MAML2: variants seen among roughly 807,000 people sequenced by gnomAD.
MAML2 encodes mastermind like transcriptional coactivator 2.
Under a neutral mutation model 96.1 loss-of-function variants are expected in MAML2, and 22 were observed. The observed-to-expected ratio is 0.23, with a 90% CI of 0.16 to 0.33. The LOEUF (loss-of-function observed/expected upper bound fraction) is 0.33, where lower values mean the gene tolerates loss of function less well. Ranked by LOEUF, MAML2 falls within the 10% of genes least tolerant of loss-of-function variation. The pLI, the probability that MAML2 is intolerant of heterozygous loss-of-function variation, is 1.00. For synonymous variants in MAML2, 561 were observed against 521.3 expected (o/e 1.08, Z -1.04); for missense variants, 1,367 against 1,392.4 (o/e 0.98, Z 0.29).
At chr11:96,030,482 C>A (rs1324599010) in intron 2 of MAML2, among the ~76,000 whole-genome samples, 1 of 152,132 alleles carries the variant, frequency 6.6e-6, no homozygotes, top group African/African-American at 2.4e-5. Context: ...AATAACATTA[C>A]AAATCCATGA....
chr11:96,141,213 C>T (rs1860725727), intron 1 of MAML2, among the ~76,000 whole-genome samples: 1 of 152,074 alleles, frequency 6.6e-6, no homozygotes, highest in Admixed American at 6.6e-5. Context: ...AAATATGTCC[C>T]ATGCAACATT....
intron 2 of MAML2, among the ~76,000 whole-genome samples, chr11:96,069,234 C>A (rs1488001652): frequency 6.6e-6 from 1 of 152,092 alleles, no homozygotes; most frequent in Non-Finnish European, 1.5e-5. Context: ...GGCCTATTTT[C>A]TTCCTTTCCC....
chr11:96,341,017 T>A (rs1243987665), intron 1 of MAML2, among the ~76,000 whole-genome samples: 1 of 152,154 alleles, frequency 6.6e-6, no homozygotes, highest in African/African-American at 2.4e-5. Context: ...CTTGGGGGCC[T>A]AATCAGAGCT....
At chr11:96,340,677 G>T (rs1376179029) in intron 1 of MAML2, among the ~76,000 whole-genome samples, 1 of 152,190 alleles carries the variant, frequency 6.6e-6, no homozygotes, top group African/African-American at 2.4e-5. Context: ...CTTAACGAAT[G>T]CTCTAAGGGA....
chr11:96,058,092 C>A (rs964832106), intron 2 of MAML2, among the ~76,000 whole-genome samples: 1 of 152,156 alleles, frequency 6.6e-6, no homozygotes, highest in Non-Finnish European at 1.5e-5. Context: ...AGTAGAGTAT[C>A]CACATGGTTT....
chr11:96,022,907 G>A (rs1375708643), intron 2 of MAML2, among the ~76,000 whole-genome samples: 3 of 152,274 alleles, frequency 2.0e-5, no homozygotes, highest in East Asian at 1.9e-4. Context: ...TAGACATGAC[G>A]CTTAACCTCA....
intron 1 of MAML2, among the ~76,000 whole-genome samples, chr11:96,141,946 C>T (rs554889114): frequency 3.3e-5 from 5 of 152,246 alleles, no homozygotes; most frequent in African/African-American, 7.2e-5. Context: ...CTAGCCAAGG[C>T]GTTGGGGCGA....
chr11:96,290,731 C>T (rs2135991637), intron 1 of MAML2, among the ~76,000 whole-genome samples: 1 of 152,334 alleles, frequency 6.6e-6, no homozygotes, highest in East Asian at 1.9e-4. Context: ...GTATTATTCA[C>T]TGCCTACTTT....
intron 1 of MAML2, among the ~76,000 whole-genome samples, chr11:96,107,787 A>G (rs979030571): frequency 1.3e-5 from 2 of 152,096 alleles, no homozygotes; most frequent in African/African-American, 2.4e-5. Flanking sequence ...TAAAAATCCA[A>G]AAGGACAGGG....
At chr11:96,322,297 G>A (rs2136011813) in intron 1 of MAML2, among the ~76,000 whole-genome samples, 1 of 152,166 alleles carries the variant, frequency 6.6e-6, no homozygotes, top group African/African-American at 2.4e-5. Context: ...AATGGTAAGA[G>A]GTCACTTAAA....
chr11:96,215,472 G>T (rs532169030), intron 1 of MAML2, among the ~76,000 whole-genome samples: 2 of 152,204 alleles, frequency 1.3e-5, no homozygotes, highest in South Asian at 4.1e-4. Flanking sequence ...CACTTCTAGG[G>T]GCAGCTTCTG....
intron 2 of MAML2, among the ~76,000 whole-genome samples, chr11:96,076,366 TG>T (rs1208090244): frequency 6.6e-6 from 1 of 151,918 alleles, no homozygotes; most frequent in African/African-American, 2.4e-5. Flanking sequence ...AATTTAAAAT[TG>T]ATTCCATGTG....
chr11:96,206,777 G>A (rs563617666), intron 1 of MAML2, among the ~76,000 whole-genome samples: 2 of 152,210 alleles, frequency 1.3e-5, no homozygotes, highest in South Asian at 4.1e-4. Context: ...CTTTGGTTAT[G>A]GATTTTGGAG....
At chr11:96,168,178 G>A (rs192187667) in intron 1 of MAML2, among the ~76,000 whole-genome samples, 23 of 152,270 alleles carry the variant, frequency 1.5e-4, no homozygotes, top group Admixed American at 1.2e-3. Context: ...TTGCTCCTCC[G>A]TTGAATGAAT....
intron 1 of MAML2, among the ~76,000 whole-genome samples, chr11:96,140,482 T>G (rs1181150841): frequency 6.6e-6 from 1 of 152,146 alleles, no homozygotes; most frequent in African/African-American, 2.4e-5. Flanking sequence ...CCAATTTTGA[T>G]GAATGGCCAG....
intron 1 of MAML2, among the ~76,000 whole-genome samples, chr11:96,250,015 G>T (rs149100379): frequency 6.6e-6 from 1 of 151,964 alleles, no homozygotes; most frequent in Non-Finnish European, 1.5e-5. Context: ...CCTGCAATTC[G>T]CTCAGAGACT....
At chr11:96,025,631 G>A (rs1228911690) in intron 2 of MAML2, among the ~76,000 whole-genome samples, 1 of 152,196 alleles carries the variant, frequency 6.6e-6, no homozygotes, top group Non-Finnish European at 1.5e-5. Context: ...TCGGCTCACT[G>A]CAACCTCCAC....
chr11:96,094,157 A>C (rs931747268), intron 1 of MAML2, among the ~76,000 whole-genome samples: 5 of 152,246 alleles, frequency 3.3e-5, no homozygotes, highest in African/African-American at 1.2e-4. Context: ...TGGACACACA[A>C]AAGTCATGAG....
At chr11:96,272,368 C>G (rs1330533954) in intron 1 of MAML2, among the ~76,000 whole-genome samples, 1 of 152,198 alleles carries the variant, frequency 6.6e-6, no homozygotes, top group Non-Finnish European at 1.5e-5. Context: ...TTACACGCCT[C>G]TTCCAGGTTA....
Sources: gnomAD v4.1 joint callset for allele counts (sites outside exome capture counted in the v4.1 genomes callset) on GRCh38, gnomAD v4.1.1 for gene constraint, MANE v1.5 for transcripts, NCBI Gene and HGNC (gene_info 2026-07-23, HGNC 2026-07-21) for gene names.